Variants in PTPN22 observed in about 807,000 individuals in gnomAD.
PTPN22 encodes tyrosine-protein phosphatase non-receptor type 22.
Under a neutral mutation model 103.3 loss-of-function variants are expected in PTPN22, and 85 were observed. The ratio of observed to expected loss-of-function variants is 0.82; its 90% confidence interval spans 0.69 to 0.99. The LOEUF is 0.99. Among genes scored for constraint, PTPN22 ranks in the 50% least tolerant of loss-of-function variants. The probability of loss-of-function intolerance (pLI) is 0.00; values close to 1 mark genes in which losing one functional copy is unlikely to be tolerated. For missense variants in PTPN22, 865 were observed against 936.9 expected (o/e 0.92, Z 1.00); for synonymous variants, 323 against 310.2 (o/e 1.04, Z -0.43).
chr1:113,853,859 C>CTTTTT (rs894010114), intron 9 of PTPN22, among the ~76,000 whole-genome samples: 34 of 67,170 alleles, frequency 5.1e-4, no homozygotes, highest in African/African-American at 7.2e-4. Flanking sequence ...TTTTTTTTTG[C>CTTTTT]TTTTTTTTTT....
At chr1:113,852,737 T>C (rs1664680094) in intron 9 of PTPN22, among the ~76,000 whole-genome samples, 1 of 152,176 alleles carries the variant, frequency 6.6e-6, no homozygotes, top group Non-Finnish European at 1.5e-5. Context: ...ACCCCTACAC[T>C]ATTGGAATCT....
chr1:113,870,429 CATG>C (rs1666482144), intron 1 of PTPN22, among the ~76,000 whole-genome samples: 1 of 152,144 alleles, frequency 6.6e-6, no homozygotes, highest in Non-Finnish European at 1.5e-5. Flanking sequence ...TTCTAAAATA[CATG>C]ATAGGTACTA....
chr1:113,858,367 G>T, intron 4 of PTPN22, 111 bp downstream of exon 4: 2 of 694,614 alleles, frequency 2.9e-6, no homozygotes, highest in Non-Finnish European at 4.7e-6. Flanking sequence ...GAATGGCATT[G>T]TGATTCTGAC....
chr1:113,846,884 T>G (rs992541214), intron 11 of PTPN22, among the ~76,000 whole-genome samples: 8 of 152,128 alleles, frequency 5.3e-5, no homozygotes, highest in Non-Finnish European at 1.0e-4. Flanking sequence ...TTTCTAAAAC[T>G]TTTTTGTCGT....
intron 16 of PTPN22, among the ~76,000 whole-genome samples, chr1:113,832,589 AC>A (rs1223070819): frequency 6.6e-6 from 1 of 152,180 alleles, no homozygotes; most frequent in African/African-American, 2.4e-5. Context: ...ATGTTTTTTA[AC>A]CTTTATATTA....
intron 13 of PTPN22, among the ~76,000 whole-genome samples, chr1:113,836,231 G>T (rs1663009098): frequency 6.6e-6 from 1 of 152,024 alleles, no homozygotes; most frequent in African/African-American, 2.4e-5. Context: ...TATACCTAAG[G>T]GAGTTAAACT....
intron 9 of PTPN22, among the ~76,000 whole-genome samples, chr1:113,852,946 T>C (rs1664692937): frequency 6.6e-6 from 1 of 152,176 alleles, no homozygotes; most frequent in South Asian, 2.1e-4. Context: ...TTTTGTTTTG[T>C]TTTGTTTTTG....
intron 20 of PTPN22, among the ~76,000 whole-genome samples, chr1:113,818,385 G>C (rs1030446727): frequency 6.6e-6 from 1 of 151,846 alleles, no homozygotes; most frequent in East Asian, 1.9e-4. Flanking sequence ...AGATGGTCTC[G>C]ATCTCTTGAC....
At chr1:113,826,302 G>A (rs1662051282) in intron 18 of PTPN22, among the ~76,000 whole-genome samples, 1 of 151,846 alleles carries the variant, frequency 6.6e-6, no homozygotes, top group Non-Finnish European at 1.5e-5. Flanking sequence ...CCATATTTAT[G>A]CCACTGCACT....
intron 18 of PTPN22, among the ~76,000 whole-genome samples, chr1:113,828,149 C>T (rs1662248431): frequency 6.6e-6 from 1 of 151,712 alleles, no homozygotes; most frequent in Admixed American, 6.6e-5. Context: ...AGAGTAATAA[C>T]CCCTTTGGCT....
chr1:113,830,430 A>T (rs1662451456), intron 16 of PTPN22, among the ~76,000 whole-genome samples: 2 of 152,138 alleles, frequency 1.3e-5, no homozygotes, highest in Admixed American at 1.3e-4. Flanking sequence ...CAAATAAATG[A>T]TGTGAAAAGT....
At chr1:113,841,893 G>A (rs768396840) in intron 11 of PTPN22, among the ~76,000 whole-genome samples, 5 of 152,036 alleles carry the variant, frequency 3.3e-5, no homozygotes, top group African/African-American at 4.8e-5. Context: ...GTGAGCCACC[G>A]CATACAGCCT....
chr1:113,871,589 T>C, exon 1 of PTPN22: 1 of 1,614,040 alleles, frequency 6.2e-7, no homozygotes, highest in African/African-American at 1.3e-5. Context: ...TTGGGCCTCA[T>C]CCAGGAACTT....
intron 16 of PTPN22, among the ~76,000 whole-genome samples, chr1:113,830,725 A>T (rs566316247): frequency 6.6e-6 from 1 of 152,284 alleles, no homozygotes; most frequent in Non-Finnish European, 1.5e-5. Context: ...TCCATGATGA[A>T]GATTTTCAGT....
At chr1:113,837,987 A>G in exon 13 of PTPN22, 3 of 1,614,140 alleles carry the variant, frequency 1.9e-6, no homozygotes, top group Non-Finnish European at 2.5e-6. Context: ...GAGATTCCAA[A>G]TAAGAAAAGT....
chr1:113,847,542 T>A (rs989461642), intron 11 of PTPN22, among the ~76,000 whole-genome samples: 1 of 151,518 alleles, frequency 6.6e-6, no homozygotes, highest in African/African-American at 2.4e-5. Flanking sequence ...CACATTGTTA[T>A]GAGACTCTGA....
At chr1:113,864,052 G>A (rs567496404) in intron 1 of PTPN22, 9 of 277,138 alleles carry the variant, frequency 3.2e-5, no homozygotes, top group South Asian at 1.1e-4. Flanking sequence ...AGTCACTTGC[G>A]GTGAGCCAAG....
exon 21 of PTPN22, chr1:113,813,906 C>T (rs1660977701): frequency 1.3e-5 from 2 of 152,412 alleles, no homozygotes; most frequent in South Asian, 4.1e-4. Flanking sequence ...CCCTATTGGA[C>T]TTCCAAATGA....
chr1:113,855,575 T>C (rs891625032), intron 7 of PTPN22, among the ~76,000 whole-genome samples: 1 of 151,812 alleles, frequency 6.6e-6, no homozygotes, highest in Non-Finnish European at 1.5e-5. Flanking sequence ...AACTTGTGGT[T>C]AGAACTCCAC....
Sources: allele counts gnomAD v4.1 joint callset (sites outside exome capture counted in the v4.1 genomes callset), GRCh38; gene constraint gnomAD v4.1.1; transcripts MANE v1.5; gene names NCBI Gene and HGNC (gene_info 2026-07-23, HGNC 2026-07-21).